Variants in VAT1L observed in about 807,000 individuals in gnomAD.
VAT1L encodes vesicle amine transport 1 like, also known as putative NADPH-dependent quinone oxidoreductase VAT1L.
A neutral mutation model predicts 44.1 loss-of-function variants in VAT1L; 34 were observed. That is an observed-to-expected ratio of 0.77 (90% CI 0.59 to 1.03). The LOEUF (loss-of-function observed/expected upper bound fraction) is 1.03. Ranked by LOEUF, VAT1L falls within the 50% of genes least tolerant of loss-of-function variation. The probability of loss-of-function intolerance (pLI) is 0.00; values close to 1 mark genes in which losing one functional copy is unlikely to be tolerated. For missense variants in VAT1L, 615 were observed against 538.8 expected, an observed-to-expected ratio of 1.14 and a Z score of -1.40; for synonymous variants, 253 against 202.2, an observed-to-expected ratio of 1.25 and a Z score of -2.13.
At chr16:77,929,363 T>C (rs778567640) in intron 7 of VAT1L, among the ~76,000 whole-genome samples, 4 of 152,214 alleles carry the variant, frequency 2.6e-5, no homozygotes, top group Non-Finnish European at 5.9e-5. Flanking sequence ...ATGAGCCCTC[T>C]GTGCATGTGT....
chr16:77,885,528 G>A (rs565330595), intron 7 of VAT1L, among the ~76,000 whole-genome samples: 1 of 152,166 alleles, frequency 6.6e-6, no homozygotes, highest in East Asian at 1.9e-4. Context: ...AAGAGATGTG[G>A]CCTGGATTTT....
chr16:77,911,977 A>C (rs1315966110), intron 7 of VAT1L, among the ~76,000 whole-genome samples: 1 of 152,234 alleles, frequency 6.6e-6, no homozygotes, highest in African/African-American at 2.4e-5. Flanking sequence ...GACATATGAC[A>C]CATGGGCCCA....
chr16:77,851,900 C>T (rs374685445), intron 3 of VAT1L, among the ~76,000 whole-genome samples: 2 of 152,132 alleles, frequency 1.3e-5, no homozygotes, highest in Non-Finnish European at 2.9e-5. Flanking sequence ...ACACAGGACC[C>T]TCGGAGATTC....
intron 4 of VAT1L, among the ~76,000 whole-genome samples, chr16:77,865,756 G>C (rs1319820971): frequency 6.6e-6 from 1 of 152,210 alleles, no homozygotes; most frequent in Non-Finnish European, 1.5e-5. Context: ...ATCAGGAAAA[G>C]CTTGCTGAAC....
chr16:77,937,079 C>T (rs1200986310), intron 7 of VAT1L, among the ~76,000 whole-genome samples: 2 of 152,056 alleles, frequency 1.3e-5, no homozygotes, highest in Non-Finnish European at 1.5e-5. Flanking sequence ...AGACGGGGTT[C>T]ACCATGTTGG....
chr16:77,896,361 T>G (rs1339864056), intron 7 of VAT1L, among the ~76,000 whole-genome samples: 1 of 149,658 alleles, frequency 6.7e-6, no homozygotes, highest in East Asian at 2.1e-4. Flanking sequence ...TTAGATCCCA[T>G]GGGCTTGCCT....
chr16:77,848,504 T>C (rs998786659), intron 3 of VAT1L, among the ~76,000 whole-genome samples: 1 of 152,188 alleles, frequency 6.6e-6, no homozygotes, highest in South Asian at 2.1e-4. Context: ...TTGAAGTCCT[T>C]ACCATTAATA....
chr16:77,907,152 C>T (rs112102926), intron 7 of VAT1L, among the ~76,000 whole-genome samples: 3 of 152,330 alleles, frequency 2.0e-5, no homozygotes, highest in African/African-American at 7.2e-5. Flanking sequence ...ATACTCCCAT[C>T]GTGACCAATA....
intron 7 of VAT1L, among the ~76,000 whole-genome samples, chr16:77,906,677 A>T (rs1324664305): frequency 6.6e-6 from 1 of 151,768 alleles, no homozygotes; most frequent in Non-Finnish European, 1.5e-5. Context: ...CTGAAAAACT[A>T]AGGGGGGAAC....
chr16:77,869,882 G>A (rs1289540121), intron 4 of VAT1L, among the ~76,000 whole-genome samples: 1 of 152,174 alleles, frequency 6.6e-6, no homozygotes, highest in Non-Finnish European at 1.5e-5. Context: ...AGTCATAGGT[G>A]AAGCCAAGGA....
chr16:77,975,194 C>CTTTTTTT (rs35017686), intron 8 of VAT1L, among the ~76,000 whole-genome samples: 2,242 of 39,854 alleles, frequency 0.056, 298 homozygotes, highest in East Asian at 0.093. Context: ...GGAATGACCA[C>CTTTTTTT]TTTTTTTTTT....
rs546421881 is a variant in VAT1L at position 77,798,865 on chromosome 16, G to C, written c.233+9950G>C. On this transcript the variant is annotated intron_variant, in intron 1 of 8. Transcript: ENST00000302536. ...TTAGAGATCTTCAGAGGGCGGGAAG[G>C]CCACCCCCTTACTCCCTCCCCTCTC... is the stretch of plus-strand genomic sequence containing the variant. 2.9e-3 allele frequency among the ~76,000 whole-genome samples: 437 copies of C among 152,264 alleles called. 3 individuals are homozygous for C. The highest frequency in any genetic ancestry group is 9.4e-3 in the African/African-American group (389 of 41,546).
chr16:77,806,498 C>T (rs903213305), intron 1 of VAT1L, among the ~76,000 whole-genome samples: 2 of 149,970 alleles, frequency 1.3e-5, no homozygotes, highest in Admixed American at 1.3e-4. Context: ...CGTGAGCCAC[C>T]ACGCCCGGCC....
intron 3 of VAT1L, among the ~76,000 whole-genome samples, chr16:77,846,287 A>C (rs1466849035): frequency 6.6e-6 from 1 of 152,118 alleles, no homozygotes; most frequent in Non-Finnish European, 1.5e-5. Flanking sequence ...ATTTCCCAAT[A>C]CCAAAGCAGA....
chr16:77,847,671 C>A (rs576923660), intron 3 of VAT1L, among the ~76,000 whole-genome samples: 3 of 152,252 alleles, frequency 2.0e-5, no homozygotes, highest in Admixed American at 1.3e-4. Context: ...TGTGCACATG[C>A]ATCAAAAGGG....
intron 7 of VAT1L, among the ~76,000 whole-genome samples, chr16:77,908,826 A>AT (rs2017468340): frequency 2.0e-5 from 3 of 152,074 alleles, no homozygotes; most frequent in Admixed American, 1.3e-4. Flanking sequence ...AGGCAGGAGC[A>AT]CGGCGTGAAC....
At chr16:77,923,764 G>C (rs531988908) in intron 7 of VAT1L, among the ~76,000 whole-genome samples, 1 of 152,258 alleles carries the variant, frequency 6.6e-6, no homozygotes, top group Admixed American at 6.5e-5. Flanking sequence ...TGAAAACAAA[G>C]TGCCTTCACT....
chr16:77,791,169 A>G (rs2015828381), intron 1 of VAT1L, among the ~76,000 whole-genome samples: 2 of 152,226 alleles, frequency 1.3e-5, no homozygotes, highest in African/African-American at 2.4e-5. Flanking sequence ...CTGGCCAGAC[A>G]TGATCATTGA....
In VAT1L at chr16:77,971,953, G is replaced by A. The variant is rs771243516; in HGVS notation, c.1161+20G>A. 2 of 1,610,062 alleles carry A rather than the reference G, an allele frequency of 1.2e-6. No homozygotes were observed. Among genetic ancestry groups the A allele is most frequent in the Admixed American group, 1.7e-5 (1 of 59,414 alleles). On this transcript the variant is annotated intron_variant, in intron 8 of 8. Coordinates refer to ENST00000302536, the MANE Select transcript of VAT1L (RefSeq NM_020927.3). ...CCACTGGTGAGTGAAAAGCAGAGGA[G>A]TCTGTTCAGTTCCACGCGAGAGAGC...
Sources: allele counts gnomAD v4.1 joint callset (sites outside exome capture counted in the v4.1 genomes callset), GRCh38; gene constraint gnomAD v4.1.1; transcripts MANE v1.5; gene names NCBI Gene and HGNC (gene_info 2026-07-23, HGNC 2026-07-21).